Variants in EVA1C observed in about 807,000 individuals in gnomAD.
The protein encoded by EVA1C is protein eva-1 homolog C.
EVA1C carries 25 observed loss-of-function variants against 45.4 expected under a neutral mutation model. That is an observed-to-expected ratio of 0.55 (90% confidence interval 0.40 to 0.77). The LOEUF (loss-of-function observed/expected upper bound fraction) is 0.77. Ranked by LOEUF, EVA1C falls within the 30% of genes least tolerant of loss-of-function variation. The probability of loss-of-function intolerance (pLI) is 0.00; values close to 1 mark genes in which losing one functional copy is unlikely to be tolerated. For synonymous variants in EVA1C, 190 were observed against 221.2 expected (o/e 0.86, Z 1.25); for missense variants, 479 against 554.8 (o/e 0.86, Z 1.37).
At chr21:32,508,199 C>G (rs1490952543) in intron 7 of EVA1C, among the ~76,000 whole-genome samples, 2 of 152,224 alleles carry the variant, frequency 1.3e-5, no homozygotes, top group Admixed American at 1.3e-4. Flanking sequence ...CACATAATTA[C>G]TGTTTCATTG....
At chr21:32,506,104 C>A (rs2037714191) in intron 7 of EVA1C, among the ~76,000 whole-genome samples, 1 of 151,868 alleles carries the variant, frequency 6.6e-6, no homozygotes, top group Non-Finnish European at 1.5e-5. Flanking sequence ...TAGCTTTCCT[C>A]CATCTCTTTC....
intron 1 of EVA1C, among the ~76,000 whole-genome samples, chr21:32,417,426 C>T (rs1481427675): frequency 6.6e-6 from 1 of 152,160 alleles, no homozygotes; most frequent in African/African-American, 2.4e-5. Flanking sequence ...CCTCTTCTTA[C>T]AAGGATATCA....
intron 6 of EVA1C, among the ~76,000 whole-genome samples, chr21:32,503,413 G>T (rs1282015792): frequency 3.9e-5 from 6 of 152,214 alleles, no homozygotes; most frequent in Admixed American, 2.0e-4. Context: ...GGGCATGGTG[G>T]CACGTGCCTG....
At position 32,413,161 on chromosome 21, in the gene EVA1C, G is replaced by T. The variant is rs934448150; in HGVS notation, c.160+148G>T. On this transcript the variant is annotated intron_variant, in intron 1 of 7. Coordinates refer to ENST00000300255, the MANE Select transcript of EVA1C (RefSeq NM_058187.5). ...GACACTTGTCTGGTGTGAGCCCTTGGCATATAGATGGCTGCGAGTGAAGTG... is the reference window on the plus strand; with the variant it reads ...GACACTTGTCTGGTGTGAGCCCTTGTCATATAGATGGCTGCGAGTGAAGTG... The T allele has an allele frequency of 5.5e-5, 34 of 620,416 alleles. 1 individual carries two copies. The highest frequency in any genetic ancestry group is 4.8e-4 in the East Asian group (14 of 28,960). 38.4% of individuals were successfully genotyped at this position (620,416 alleles called of 1,614,324 possible).
chr21:32,492,642 G>T (rs73353088), intron 4 of EVA1C, among the ~76,000 whole-genome samples: 2 of 151,708 alleles, frequency 1.3e-5, no homozygotes, highest in Admixed American at 1.3e-4. Context: ...CCCCCCACAG[G>T]CATCTCCAGA....
intron 4 of EVA1C, among the ~76,000 whole-genome samples, chr21:32,493,136 T>C (rs1057023665): frequency 7.2e-5 from 11 of 152,232 alleles, no homozygotes; most frequent in African/African-American, 2.2e-4. Context: ...GCTGACATCA[T>C]GCTACCTGTT....
intron 4 of EVA1C, among the ~76,000 whole-genome samples, chr21:32,489,687 G>A (rs2037089880): frequency 6.6e-6 from 1 of 152,192 alleles, no homozygotes; most frequent in South Asian, 2.1e-4. Context: ...ATCACTTTGG[G>A]CAGTATGAAC....
rs2037286440 is a variant in EVA1C, at chr21:32,494,773, A to C, written c.635-254A>C. 2.3e-5 allele frequency among the ~76,000 whole-genome samples: 3 copies of C among 130,028 alleles called. No individual in the cohort carries two copies. The South Asian group carries it at 7.5e-4, about 33-fold the overall frequency. The allele number at this position is 130,028 out of a possible 152,430, so 85.3% of individuals were successfully genotyped here. ...CTCCAGCCTGGGCGACAGAACAAGA[A>C]TCAGTTTCAAAAAAAAAAAAAAATT... is the stretch of plus-strand genomic sequence containing the variant. On this transcript the variant is annotated intron_variant, in intron 4 of 7. Transcript: ENST00000300255.
chr21:32,442,225 G>T (rs2833836), intron 1 of EVA1C, among the ~76,000 whole-genome samples: 24,244 of 152,168 alleles, frequency 0.16, 2,320 homozygotes, highest in East Asian at 0.27. Flanking sequence ...CTTAAGAGTT[G>T]TCATAGCTAT....
intron 6 of EVA1C, among the ~76,000 whole-genome samples, chr21:32,502,024 CTTTCTTTCTTTCT>C (rs1568949758): frequency 6.0e-5 from 8 of 132,368 alleles, no homozygotes; most frequent in African/African-American, 1.6e-4. Context: ...TTCTTTCTTT[CTTTCTTTCTTTCT>C]TTCTTTCTTT....
intron 3 of EVA1C, among the ~76,000 whole-genome samples, chr21:32,462,277 C>T (rs948352591): frequency 5.3e-5 from 8 of 151,618 alleles, no homozygotes; most frequent in African/African-American, 1.9e-4. Flanking sequence ...ACCTGCAGTC[C>T]TAGCCACTTG....
chr21:32,506,883 A>T (rs2037741004), intron 7 of EVA1C, among the ~76,000 whole-genome samples: 1 of 152,164 alleles, frequency 6.6e-6, no homozygotes, highest in Non-Finnish European at 1.5e-5. Context: ...CCACGGGATG[A>T]GCTGGGGTCT....
intron 1 of EVA1C, among the ~76,000 whole-genome samples, chr21:32,451,285 G>A (rs1326891427): frequency 6.6e-6 from 1 of 152,182 alleles, no homozygotes; most frequent in African/African-American, 2.4e-5. Context: ...AGAGACCAAG[G>A]GCTGCCAAGC....
At chr21:32,502,157 TGGC>T (rs2037580398) in intron 6 of EVA1C, among the ~76,000 whole-genome samples, 1 of 151,842 alleles carries the variant, frequency 6.6e-6, no homozygotes, top group Non-Finnish European at 1.5e-5. Context: ...TGGAGTGCAA[TGGC>T]GCAATCTCCA....
intron 1 of EVA1C, among the ~76,000 whole-genome samples, chr21:32,416,095 C>T (rs2034025471): frequency 6.7e-6 from 1 of 149,458 alleles, no homozygotes; most frequent in South Asian, 2.2e-4. Context: ...GGGGTGCCCT[C>T]TTGAGTAGCA....
chr21:32,463,735 CAAAACA>C (rs2036080340), intron 3 of EVA1C, among the ~76,000 whole-genome samples: 1 of 109,796 alleles, frequency 9.1e-6, no homozygotes, highest in African/African-American at 3.7e-5. Context: ...TTAAACAAAA[CAAAACA>C]AAAAAAAAAC....
At chr21:32,499,920 G>C (rs567115463) in intron 5 of EVA1C, among the ~76,000 whole-genome samples, 1 of 152,254 alleles carries the variant, frequency 6.6e-6, no homozygotes, top group Admixed American at 6.5e-5. Context: ...GGTCAGTTCA[G>C]CAGAGTCTGA....
At chr21:32,419,341 C>T (rs545614511) in intron 1 of EVA1C, among the ~76,000 whole-genome samples, 6 of 152,294 alleles carry the variant, frequency 3.9e-5, no homozygotes, top group Admixed American at 6.5e-5. Flanking sequence ...GCCTGACTTG[C>T]GTACTGCTCT....
At chr21:32,427,855 TAAA>T (rs35551211) in intron 1 of EVA1C, among the ~76,000 whole-genome samples, 45,258 of 122,592 alleles carry the variant, frequency 0.37, 8,004 homozygotes, top group East Asian at 0.44. Flanking sequence ...CCATCTCTAT[TAAA>T]AAAAAAAAAA....
Sources: allele counts gnomAD v4.1 joint callset (sites outside exome capture counted in the v4.1 genomes callset), GRCh38; gene constraint gnomAD v4.1.1; transcripts MANE v1.5; gene names NCBI Gene and HGNC (gene_info 2026-07-23, HGNC 2026-07-21).